The following DNAJC11 variants were observed in gnomAD, a reference collection of about 807,000 sequenced individuals.
DNAJC11 encodes dnaJ homolog subfamily C member 11.
DNAJC11 carries 15 observed loss-of-function variants against 78.6 expected under a neutral mutation model. That is an observed-to-expected ratio of 0.19 (90% CI 0.13 to 0.29). The LOEUF (loss-of-function observed/expected upper bound fraction) is 0.29, where lower values mean the gene tolerates loss of function less well. Ranked by LOEUF, DNAJC11 falls within the 10% of genes least tolerant of loss-of-function variation. The pLI is 1.00. For missense variants in DNAJC11, 547 were observed against 709.6 expected, an observed-to-expected ratio of 0.77 and a Z score of 2.60; for synonymous variants, 292 against 272.1, an observed-to-expected ratio of 1.07 and a Z score of -0.72.
intron 1 of DNAJC11, among the ~76,000 whole-genome samples, chr1:6,695,811 A>G (rs1398944948): frequency 1.3e-5 from 2 of 151,880 alleles, no homozygotes; most frequent in Non-Finnish European, 2.9e-5. Flanking sequence ...CCATCTCAAA[A>G]AAAAAAAAAG....
chr1:6,638,311 T>C lies in DNAJC11; in HGVS notation c.1307A>G (p.Gln436Arg). ...AGCACTCACAGCGGACTCCGCCTCT[T>C]GCTTCTTCTGCAGCACATCGGTGGC... is the stretch of plus-strand genomic sequence containing the variant. Reference protein sequence around the residue: ...SAATDVLQKKQEAESAVRLMQ... With the variant: ...SAATDVLQKKREAESAVRLMQ... The change falls in exon 12 of 16, where the codon CAA (glutamine) becomes CGA (arginine). Residue 436 changes from glutamine (Q) to arginine (R), a missense_variant. Physicochemically the swap from Gln to Arg is conservative, Grantham distance 43. Coordinates refer to ENST00000377577, the MANE Select transcript of DNAJC11 (RefSeq NM_018198.4). 1 of 1,613,436 alleles carries C rather than the reference T, an allele frequency of 6.2e-7. No homozygotes were observed. Among genetic ancestry groups the C allele is most frequent in the Non-Finnish European group, 8.5e-7 (1 of 1,179,560 alleles).
intron 1 of DNAJC11, among the ~76,000 whole-genome samples, chr1:6,688,009 T>G (rs1252826913): frequency 6.6e-6 from 1 of 152,128 alleles, no homozygotes; most frequent in Non-Finnish European, 1.5e-5. Flanking sequence ...AAAAAATATA[T>G]CTGATCCATC....
In DNAJC11 at chr1:6,653,739, C is replaced by T. The variant is rs1471081037; in HGVS notation, c.507+172G>A. On this transcript the variant is annotated intron_variant, in intron 5 of 15. Coordinates refer to ENST00000377577, the MANE Select transcript of DNAJC11 (RefSeq NM_018198.4). This position sits in a 1 kb window ranked among gnomAD's most constrained non-coding sequence, Gnocchi z 4.5. Reference sequence around the variant, plus strand: ...CCTGCTGGCTCACATGCCAGCACAGCGGTAACACACGGCTGGGAATGAAGC... The same window carrying T: ...CCTGCTGGCTCACATGCCAGCACAGTGGTAACACACGGCTGGGAATGAAGC... 1.1e-5 allele frequency: 9 copies of T among 833,178 alleles called. No homozygotes were observed. The highest frequency in any genetic ancestry group is 5.7e-5 in the Admixed American group (2 of 34,786). The allele number at this position is 833,178 out of a possible 1,614,324, so 51.6% of individuals were successfully genotyped here.
At chr1:6,676,692 C>A (rs1642468797) in intron 3 of DNAJC11, among the ~76,000 whole-genome samples, 1 of 151,678 alleles carries the variant, frequency 6.6e-6, no homozygotes, top group African/African-American at 2.4e-5. Context: ...CTCACAAACA[C>A]ACACACACAC....
chr1:6,667,128 G>A (rs974169085), intron 4 of DNAJC11, among the ~76,000 whole-genome samples: 5 of 152,202 alleles, frequency 3.3e-5, no homozygotes, highest in African/African-American at 1.2e-4. Context: ...AAACTCCATC[G>A]GTGATCTGGG....
intron 3 of DNAJC11, chr1:6,670,433 C>T (rs1642362423): frequency 6.6e-6 from 1 of 151,916 alleles, no homozygotes; most frequent in South Asian, 2.1e-4. Context: ...CACATACACA[C>T]ATTCAATATA....
intron 1 of DNAJC11, among the ~76,000 whole-genome samples, chr1:6,700,286 T>C (rs984746106): frequency 6.6e-5 from 10 of 152,220 alleles, no homozygotes; most frequent in Admixed American, 6.5e-4. Flanking sequence ...TAAGAACTAA[T>C]GATAATCCCA....
At chr1:6,670,791 G>C (rs866745984) in intron 3 of DNAJC11, 2 of 152,034 alleles carry the variant, frequency 1.3e-5, no homozygotes, top group South Asian at 2.1e-4. Flanking sequence ...AAATCATCGA[G>C]GGTGCGTCAC....
intron 1 of DNAJC11, 140 bp downstream of exon 1, chr1:6,701,589 G>A (rs1322375429): frequency 4.9e-6 from 4 of 811,568 alleles, no homozygotes; most frequent in East Asian, 3.5e-5. Context: ...GGCGGCTGGC[G>A]TGCACGTCGC....
intron 3 of DNAJC11, among the ~76,000 whole-genome samples, chr1:6,673,974 C>A (rs942753394): frequency 6.6e-6 from 1 of 152,208 alleles, no homozygotes; most frequent in Non-Finnish European, 1.5e-5. Context: ...GGATGCAACT[C>A]TGGGTGTAAT....
At chr1:6,688,282 A>G (rs942275159) in intron 1 of DNAJC11, among the ~76,000 whole-genome samples, 5 of 152,242 alleles carry the variant, frequency 3.3e-5, no homozygotes, top group African/African-American at 1.2e-4. Flanking sequence ...TTCCTCTTGT[A>G]CCTGACTTAG....
intron 1 of DNAJC11, among the ~76,000 whole-genome samples, chr1:6,697,574 G>A (rs985162256): frequency 2.0e-5 from 3 of 149,730 alleles, no homozygotes; most frequent in Non-Finnish European, 4.4e-5. Context: ...GATGCTAACC[G>A]CTTGCTTGCC....
At chr1:6,676,675 A>ACT (rs1235447656) in intron 3 of DNAJC11, among the ~76,000 whole-genome samples, 1 of 151,106 alleles carries the variant, frequency 6.6e-6, no homozygotes, top group Admixed American at 6.6e-5. Context: ...GCACGCGCGC[A>ACT]CTCTCTCTCA....
chr1:6,656,100 T>TAAAA (rs749444041), intron 4 of DNAJC11, among the ~76,000 whole-genome samples: 24,440 of 87,554 alleles, frequency 0.28, 3,601 homozygotes, highest in South Asian at 0.38. Flanking sequence ...AGACTCCGTC[T>TAAAA]AAAAAAAAAA....
chr1:6,634,193 G>GGTGA lies in DNAJC11; in HGVS notation c.*1478_*1481dup, dbSNP rs1641707594. The GGTGA allele has an allele frequency of 8.9e-7, 1 of 1,120,438 alleles. No homozygotes were observed. 69.4% of individuals were successfully genotyped at this position (1,120,438 alleles called of 1,614,324 possible). ...TCTGCTTTCAGGAAAGGTTTATTGT[G>GGTGA]GTGAGTGCCTTCTGTACAGTCGACT... On this transcript the variant is annotated 3_prime_UTR_variant, in exon 16 of 16. Coordinates refer to ENST00000377577, the MANE Select transcript of DNAJC11 (RefSeq NM_018198.4).
intron 3 of DNAJC11, among the ~76,000 whole-genome samples, chr1:6,671,473 T>A (rs1007337420): frequency 6.6e-6 from 1 of 151,058 alleles, no homozygotes; most frequent in Middle Eastern, 3.5e-3. Context: ...CCTGACCTCA[T>A]GATCCGCCTG....
intron 1 of DNAJC11, among the ~76,000 whole-genome samples, chr1:6,693,882 C>T (rs921755578): frequency 1.3e-5 from 2 of 149,936 alleles, no homozygotes; most frequent in African/African-American, 2.5e-5. Flanking sequence ...CTCTGTTGCC[C>T]AGGCTGGAGC....
intron 4 of DNAJC11, among the ~76,000 whole-genome samples, chr1:6,658,379 C>T (rs1264701749): frequency 6.6e-6 from 1 of 152,174 alleles, no homozygotes; most frequent in Non-Finnish European, 1.5e-5. Context: ...GGTATATGAT[C>T]TGGGTCAACT....
Position 6,680,978 on chromosome 1 carries a change from G to A in DNAJC11, c.132C>T (p.Asp44=). 6.2e-7 allele frequency: 1 copy of A among 1,614,130 alleles called. No homozygotes were observed. Among genetic ancestry groups the A allele is most frequent in the Non-Finnish European group, 8.5e-7 (1 of 1,180,004 alleles). The part of the protein sequence containing the change: ...YRRLCMLYHP[D]KHRDPELKSQ... ...ACTTGAGCTCTGGGTCTCTGTGCTT[G>A]TCTGGATGGTAGAGCATACAGAGCC... is the stretch of plus-strand genomic sequence containing the variant. The change falls in exon 2 of 16, where the codon GAC becomes GAT. Residue 44 remains aspartate, a synonymous_variant. Transcript: ENST00000377577. The surrounding 1 kb of genome is among the most constrained non-coding windows in gnomAD (Gnocchi z 4.0).
Sources: allele counts gnomAD v4.1 joint callset (sites outside exome capture counted in the v4.1 genomes callset), GRCh38; gene constraint gnomAD v4.1.1; non-coding constraint Gnocchi (gnomAD v3.1); transcripts MANE v1.5; gene names NCBI Gene and HGNC (gene_info 2026-07-23, HGNC 2026-07-21).